Variants in ORC2 observed in about 807,000 individuals in gnomAD.
The protein encoded by ORC2 is origin recognition complex protein 2 homolog.
A neutral mutation model predicts 77.7 loss-of-function variants in ORC2; 37 were observed. The observed-to-expected ratio is 0.48, with a 90% confidence interval of 0.37 to 0.63. The LOEUF (loss-of-function observed/expected upper bound fraction) is 0.63. Ranked by LOEUF, ORC2 falls within the 20% of genes least tolerant of loss-of-function variation. The pLI, the probability that ORC2 is intolerant of heterozygous loss-of-function variation, is 0.00. For synonymous variants in ORC2, 201 were observed against 229.5 expected, an observed-to-expected ratio of 0.88 and a Z score of 1.12; for missense variants, 557 against 661.9, an observed-to-expected ratio of 0.84 and a Z score of 1.74.
At position 200,920,372 on chromosome 2, in the gene ORC2, C is replaced by A; in HGVS notation, c.1316G>T (p.Ser439Ile). Residue 439 changes from serine (S) to isoleucine (I), a missense_variant, in exon 15 of 18, where the codon AGT (serine) becomes ATT (isoleucine). By Grantham distance (142) the Ser-to-Ile change is moderately radical. Transcript: ENST00000234296. ...TTCATACCAGAGCCAGTTAAAAAGA[C>A]TCTGCTTTGCATGATCCCACACTAG... ...APLMWDHAKQ[S>I]LFNWLWYETT... The A allele has an allele frequency of 6.2e-7, 1 of 1,604,304 alleles. No homozygotes were observed. The highest frequency in any genetic ancestry group is 8.5e-7 in the Non-Finnish European group (1 of 1,174,218).
intron 5 of ORC2, among the ~76,000 whole-genome samples, chr2:200,946,692 C>G (rs941665916): frequency 3.3e-5 from 5 of 152,132 alleles, no homozygotes; most frequent in African/African-American, 1.2e-4. Flanking sequence ...AAATGGAGAA[C>G]TACTACTTGA....
At chr2:200,947,056 C>T (rs965400239) in intron 5 of ORC2, among the ~76,000 whole-genome samples, 2 of 152,014 alleles carry the variant, frequency 1.3e-5, no homozygotes, top group African/African-American at 4.8e-5. Context: ...GTGTGTGCCA[C>T]CACACCCAGC....
intron 4 of ORC2, among the ~76,000 whole-genome samples, 197 bp downstream of exon 4, chr2:200,957,204 T>A (rs955914766): frequency 3.9e-5 from 6 of 152,178 alleles, no homozygotes; most frequent in African/African-American, 1.4e-4. Flanking sequence ...GTCTATAGAT[T>A]CCTTCTTACT....
At chr2:200,915,108 C>T (rs1336288489) in intron 15 of ORC2, among the ~76,000 whole-genome samples, 3 of 149,056 alleles carry the variant, frequency 2.0e-5, no homozygotes, top group Admixed American at 6.7e-5. Context: ...CTCTGTCTCC[C>T]GGGTTCAAGC....
intron 11 of ORC2, among the ~76,000 whole-genome samples, chr2:200,930,506 C>CTTTT (rs572005723): frequency 7.3e-6 from 1 of 136,300 alleles, no homozygotes; most frequent in Non-Finnish European, 1.6e-5. Context: ...CCTAGCATAA[C>CTTTT]TTTTTTTTTT....
At chr2:200,936,269 T>C (rs1432017078) in intron 8 of ORC2, among the ~76,000 whole-genome samples, 1 of 152,192 alleles carries the variant, frequency 6.6e-6, no homozygotes, top group Non-Finnish European at 1.5e-5. Context: ...GGATGAATCA[T>C]GGTAACTGCC....
chr2:200,943,396 A>G (rs2125005829), intron 5 of ORC2, among the ~76,000 whole-genome samples: 1 of 152,116 alleles, frequency 6.6e-6, no homozygotes. Flanking sequence ...TCTAAAGACC[A>G]AAGACCAAAT....
chr2:200,925,389 A>C lies in ORC2; in HGVS notation c.1147+447T>G, dbSNP rs538136782. Among the ~76,000 whole-genome samples, 6 of 152,292 alleles carry C rather than the reference A, an allele frequency of 3.9e-5. No individual in the cohort carries two copies. In the East Asian group the frequency reaches 1.2e-3, roughly 29 times the overall value. ...TCTTTCCTGTTAAGTTCACGGAAAA[A>C]GTTCATAGAAAAAGGACAAACTTTT... On this transcript the variant is annotated intron_variant, in intron 13 of 17. Coordinates refer to ENST00000234296, the MANE Select transcript of ORC2 (RefSeq NM_006190.5).
intron 5 of ORC2, 92 bp downstream of exon 5, chr2:200,949,462 G>A (rs530008914): frequency 2.9e-6 from 2 of 689,014 alleles, no homozygotes; most frequent in Non-Finnish European, 5.1e-6. Context: ...ATTCTTTTAG[G>A]AAATGTAGTG....
At chr2:200,949,241 T>TAAA (rs746523658) in intron 5 of ORC2, among the ~76,000 whole-genome samples, 1 of 134,538 alleles carries the variant, frequency 7.4e-6, no homozygotes. Context: ...ACTCCACCTT[T>TAAA]AAAAAAAAAA....
chr2:200,911,304 A>C lies in ORC2; in HGVS notation c.1731T>G (p.Ala577=), dbSNP rs1476680766. 1 of 1,595,074 alleles carries C rather than the reference A, an allele frequency of 6.3e-7. No individual in the cohort carries two copies. Among genetic ancestry groups the C allele is most frequent in the African/African-American group, 1.3e-5 (1 of 74,556 alleles). ...TDFLEKEEEE[A] ...GATTCAAGAATAAAGGAAAGCTTCA[A>C]GCCTCCTCTTCTTCCTTTTCCAAGA... is the stretch of plus-strand genomic sequence containing the variant. Residue 577 remains alanine (A), a synonymous_variant, in exon 18 of 18, where the codon GCT becomes GCG. Transcript: ENST00000234296.
At chr2:200,914,524 A>G (rs1217484512) in intron 15 of ORC2, among the ~76,000 whole-genome samples, 1 of 151,938 alleles carries the variant, frequency 6.6e-6, no homozygotes, top group African/African-American at 2.4e-5. Flanking sequence ...CACACCTATA[A>G]TCTCACCCCT....
chr2:200,927,126 C>A (rs2040852404), intron 11 of ORC2, among the ~76,000 whole-genome samples: 2 of 151,764 alleles, frequency 1.3e-5, no homozygotes, highest in Non-Finnish European at 2.9e-5. Flanking sequence ...CACTCTGTCA[C>A]CCAGACTGGA....
At chr2:200,921,173 T>G (rs2040752474) in intron 13 of ORC2, 34 bp from the exon 14 acceptor site, 1 of 1,438,808 alleles carries the variant, frequency 7.0e-7, no homozygotes, top group Admixed American at 1.9e-5. Context: ...ATTATTATTA[T>G]TATTTTTAGA....
At chr2:200,915,264 C>T (rs1485294181) in intron 15 of ORC2, among the ~76,000 whole-genome samples, 2 of 151,822 alleles carry the variant, frequency 1.3e-5, no homozygotes, top group South Asian at 2.1e-4. Flanking sequence ...CCACCCGCCT[C>T]GGCCTGATTT....
At chr2:200,920,123 C>A (rs1170639445) in intron 15 of ORC2, 99 bp downstream of exon 15, 1 of 817,330 alleles carries the variant, frequency 1.2e-6, no homozygotes, top group Admixed American at 2.9e-5. Context: ...TCACTTAATC[C>A]TTCAACTAAC....
intron 10 of ORC2, 137 bp downstream of exon 10, chr2:200,933,736 GTAA>G (rs2124982004): frequency 1.9e-6 from 1 of 521,464 alleles, no homozygotes; most frequent in East Asian, 3.0e-5. Flanking sequence ...AATAAAAGAA[GTAA>G]TAATCACATT....
chr2:200,954,372 A>G (rs1559024144), intron 4 of ORC2, among the ~76,000 whole-genome samples: 1 of 152,222 alleles, frequency 6.6e-6, no homozygotes, highest in Non-Finnish European at 1.5e-5. Flanking sequence ...ATGATTAAAT[A>G]GTGTAATCTG....
At chr2:200,932,307 A>C (rs2040957013) in intron 10 of ORC2, among the ~76,000 whole-genome samples, 1 of 148,126 alleles carries the variant, frequency 6.8e-6, no homozygotes, top group Non-Finnish European at 1.5e-5. Context: ...CTAGAATGTT[A>C]TCTCATGTAT....
Sources: gnomAD v4.1 joint callset for allele counts (sites outside exome capture counted in the v4.1 genomes callset) on GRCh38, gnomAD v4.1.1 for gene constraint, MANE v1.5 for transcripts, NCBI Gene and HGNC (gene_info 2026-07-23, HGNC 2026-07-21) for gene names.